Variants in CNTNAP5 observed in about 807,000 individuals in gnomAD.
CNTNAP5 encodes contactin associated protein family member 5, also known as contactin-associated protein-like 5.
In CNTNAP5, 72 loss-of-function variants were observed where a neutral mutation model predicts 150.2. That is an observed-to-expected ratio of 0.48 (90% CI 0.40 to 0.58). CNTNAP5 has a LOEUF of 0.58. Among genes scored for constraint, CNTNAP5 ranks in the 20% least tolerant of loss-of-function variants. CNTNAP5 has a pLI of 0.00. For synonymous variants in CNTNAP5, 672 were observed against 619.8 expected (o/e 1.08, Z -1.25); for missense variants, 1,636 against 1,626.2 (o/e 1.01, Z -0.10).
intron 3 of CNTNAP5, among the ~76,000 whole-genome samples, chr2:124,386,727 A>G (rs1344925143): frequency 1.4e-5 from 2 of 146,568 alleles, no homozygotes; most frequent in Non-Finnish European, 3.0e-5. Flanking sequence ...ATTATTTCAA[A>G]TGTCTCCCCA....
rs1438550366 is a variant in CNTNAP5 at position 124,358,516 on chromosome 2, G to T, written c.382-58927G>T. Among the ~76,000 whole-genome samples the T allele has an allele frequency of 9.9e-5, 15 of 152,214 alleles. No individual in the cohort carries two copies. The East Asian group carries it at 2.9e-3, about 29-fold the overall frequency. On this transcript the variant is annotated intron_variant, in intron 3 of 23. Transcript: ENST00000682447. Reference sequence around the variant, plus strand: ...TTATTGAGAGTTTTTAGCATGAAGGGTTGTTGAATTTTGTCAAAGGCTTTT... The same window carrying T: ...TTATTGAGAGTTTTTAGCATGAAGGTTTGTTGAATTTTGTCAAAGGCTTTT...
chr2:124,514,811 G>A (rs1473611633), intron 8 of CNTNAP5, among the ~76,000 whole-genome samples: 2 of 152,202 alleles, frequency 1.3e-5, no homozygotes, highest in Non-Finnish European at 1.5e-5. Context: ...AACCAGAGGT[G>A]TAAGACTATG....
At chr2:124,608,973 T>G (rs1335346808) in intron 11 of CNTNAP5, among the ~76,000 whole-genome samples, 2 of 151,852 alleles carry the variant, frequency 1.3e-5, no homozygotes, top group African/African-American at 4.8e-5. Context: ...AAGTCTTTAA[T>G]TAGTAAAAAG....
At chr2:124,158,204 C>G (rs919036134) in intron 1 of CNTNAP5, among the ~76,000 whole-genome samples, 1 of 152,128 alleles carries the variant, frequency 6.6e-6, no homozygotes, top group African/African-American at 2.4e-5. Context: ...ACCCAAAACC[C>G]TCCCTTGGAA....
At chr2:124,071,504 A>G (rs1168396732) in intron 1 of CNTNAP5, among the ~76,000 whole-genome samples, 2 of 151,904 alleles carry the variant, frequency 1.3e-5, no homozygotes, top group East Asian at 1.9e-4. Flanking sequence ...AAAATTGGAG[A>G]TGAAAAATAA....
chr2:124,416,936 CTTT>C (rs70996064), intron 3 of CNTNAP5, among the ~76,000 whole-genome samples: 6 of 106,574 alleles, frequency 5.6e-5, no homozygotes, highest in Non-Finnish European at 3.8e-5. Context: ...AGAGGGATTT[CTTT>C]TTTTTTTTTT....
intron 3 of CNTNAP5, among the ~76,000 whole-genome samples, chr2:124,350,821 T>G (rs185896915): frequency 5.9e-5 from 9 of 152,336 alleles, no homozygotes; most frequent in Non-Finnish European, 1.2e-4. Flanking sequence ...TCTTTGTGCA[T>G]CCTGAGATAG....
intron 1 of CNTNAP5, among the ~76,000 whole-genome samples, chr2:124,078,953 G>T (rs1277975445): frequency 6.6e-6 from 1 of 152,178 alleles, no homozygotes; most frequent in Admixed American, 6.5e-5. Context: ...GGAAGCAGGG[G>T]TGATTACATC....
intron 2 of CNTNAP5, among the ~76,000 whole-genome samples, chr2:124,229,999 T>A (rs979795975): frequency 2.0e-5 from 3 of 152,168 alleles, no homozygotes; most frequent in Admixed American, 2.0e-4. Context: ...GATGCTTGCC[T>A]GTGTAAGTTG....
At chr2:124,174,457 A>C (rs1167941807) in intron 1 of CNTNAP5, among the ~76,000 whole-genome samples, 2 of 152,220 alleles carry the variant, frequency 1.3e-5, no homozygotes, top group African/African-American at 4.8e-5. Context: ...GGAGTTTAGA[A>C]GAAGTTGATT....
At chr2:124,875,458 C>T (rs1013906578) in intron 21 of CNTNAP5, among the ~76,000 whole-genome samples, 6 of 151,982 alleles carry the variant, frequency 3.9e-5, no homozygotes, top group African/African-American at 1.4e-4. Flanking sequence ...CCCATGTTTG[C>T]ATCTCTCATG....
intron 18 of CNTNAP5, among the ~76,000 whole-genome samples, chr2:124,797,602 G>T (rs910011852): frequency 1.3e-5 from 2 of 152,162 alleles, no homozygotes; most frequent in African/African-American, 4.8e-5. Flanking sequence ...AATTACTGCT[G>T]CTCACCCCAA....
At chr2:124,391,614 C>T (rs989047627) in intron 3 of CNTNAP5, among the ~76,000 whole-genome samples, 3 of 152,150 alleles carry the variant, frequency 2.0e-5, no homozygotes, top group Non-Finnish European at 2.9e-5. Flanking sequence ...ACAAAAAGGA[C>T]CAGTGACAGT....
chr2:124,094,472 CATAGATTTGTCTAATACATTT>C (rs1682886867), intron 1 of CNTNAP5, among the ~76,000 whole-genome samples: 1 of 152,132 alleles, frequency 6.6e-6, no homozygotes, highest in African/African-American at 2.4e-5. Flanking sequence ...TTGCAAATGT[CATAGATTTGTCTAATACATTT>C]ATAGATTTGT....
At position 124,831,632 on chromosome 2, in the gene CNTNAP5, T is replaced by C. The variant is rs571421966; in HGVS notation, c.3217+33312T>C. ...AAGCAAGATCTTGAATTGTCTTTCA[T>C]ATATCAGTATTTTATATACTAAAAT... is the stretch of plus-strand genomic sequence containing the variant. On this transcript the variant is annotated intron_variant, in intron 19 of 23. Coordinates refer to ENST00000682447, the MANE Select transcript of CNTNAP5 (RefSeq NM_001367498.1). 2.0e-5 allele frequency among the ~76,000 whole-genome samples: 3 copies of C among 151,092 alleles called. No individual in the cohort carries two copies. In the South Asian group the frequency reaches 6.2e-4, roughly 31 times the overall value.
intron 7 of CNTNAP5, among the ~76,000 whole-genome samples, chr2:124,479,649 C>T (rs1007611667): frequency 4.6e-5 from 7 of 152,122 alleles, no homozygotes; most frequent in African/African-American, 1.7e-4. Flanking sequence ...AATACTAAGC[C>T]AATATAATAA....
At position 124,634,017 on chromosome 2, in the gene CNTNAP5, A is replaced by T. The variant is rs1478357783; in HGVS notation, c.1877-13741A>T. On this transcript the variant is annotated intron_variant, in intron 12 of 23. Coordinates refer to ENST00000682447, the MANE Select transcript of CNTNAP5 (RefSeq NM_001367498.1). ...AACCATTCTGTCCTCCCAGGCCTCC[A>T]GGCTTGTGATGGGAGAGGCTGCCAT... 2.0e-5 allele frequency among the ~76,000 whole-genome samples: 3 copies of T among 152,276 alleles called. No homozygotes were observed. The East Asian group carries it at 5.8e-4, about 30-fold the overall frequency.
At chr2:124,357,261 G>T (rs1400471001) in intron 3 of CNTNAP5, among the ~76,000 whole-genome samples, 3 of 152,168 alleles carry the variant, frequency 2.0e-5, no homozygotes, top group Non-Finnish European at 4.4e-5. Context: ...TAGGTTGCCT[G>T]TTCACTCTGA....
chr2:124,341,976 A>C (rs997398831), intron 3 of CNTNAP5, among the ~76,000 whole-genome samples: 2 of 152,158 alleles, frequency 1.3e-5, no homozygotes, highest in African/African-American at 4.8e-5. Context: ...AATAGTTTGG[A>C]GACTCATAAC....
Sources: allele counts gnomAD v4.1 joint callset (sites outside exome capture counted in the v4.1 genomes callset), GRCh38; gene constraint gnomAD v4.1.1; transcripts MANE v1.5; gene names NCBI Gene and HGNC (gene_info 2026-07-23, HGNC 2026-07-21).